Variants in GPD1L observed in about 807,000 individuals in gnomAD.
GPD1L encodes glycerol-3-phosphate dehydrogenase 1-like protein.
GPD1L carries 17 observed loss-of-function variants against 32.9 expected under a neutral mutation model. The ratio of observed to expected loss-of-function variants is 0.52; its 90% CI spans 0.35 to 0.78. The LOEUF (loss-of-function observed/expected upper bound fraction) is 0.78, where lower values mean the gene tolerates loss of function less well. Ranked by LOEUF, GPD1L falls within the 30% of genes least tolerant of loss-of-function variation. GPD1L has a pLI of 0.01. For synonymous variants in GPD1L, 187 were observed against 165.9 expected, an observed-to-expected ratio of 1.13 and a Z score of -0.98; for missense variants, 361 against 447.8, an observed-to-expected ratio of 0.81 and a Z score of 1.75.
chr3:32,118,864 T>C (rs930607450), intron 1 of GPD1L, among the ~76,000 whole-genome samples: 1 of 152,232 alleles, frequency 6.6e-6, no homozygotes, highest in African/African-American at 2.4e-5. Context: ...AGTAGAATTA[T>C]ACATTATTTA....
intron 4 of GPD1L, among the ~76,000 whole-genome samples, chr3:32,144,677 TTTGTTG>T (rs537706656): frequency 6.6e-6 from 1 of 151,560 alleles, no homozygotes; most frequent in Non-Finnish European, 1.5e-5. Context: ...ATTACTGGGG[TTTGTTG>T]TTGTTGTTGT....
intron 1 of GPD1L, among the ~76,000 whole-genome samples, chr3:32,119,912 C>G (rs1007233860): frequency 1.3e-5 from 2 of 152,164 alleles, no homozygotes; most frequent in Non-Finnish European, 2.9e-5. Context: ...CTGTAGGGTC[C>G]TTTCTGGCCT....
At chr3:32,151,966 G>A (rs1273525020) in intron 5 of GPD1L, 2 of 152,576 alleles carry the variant, frequency 1.3e-5, no homozygotes, top group East Asian at 3.8e-4. Context: ...TTCTTTATCA[G>A]GATTGAGTTT....
At chr3:32,149,775 G>A (rs994989652) in intron 5 of GPD1L, among the ~76,000 whole-genome samples, 4 of 151,944 alleles carry the variant, frequency 2.6e-5, no homozygotes, top group Admixed American at 6.6e-5. Flanking sequence ...GGGCGAAACC[G>A]CATCTCTACT....
At chr3:32,113,162 T>G (rs577328264) in intron 1 of GPD1L, among the ~76,000 whole-genome samples, 19 of 121,390 alleles carry the variant, frequency 1.6e-4, no homozygotes, top group African/African-American at 6.3e-4. Flanking sequence ...TCATCCCTTC[T>G]CCTATAGATA....
At chr3:32,128,311 C>A in intron 2 of GPD1L, 58 bp downstream of exon 2, 1 of 1,422,578 alleles carries the variant, frequency 7.0e-7, no homozygotes, top group Non-Finnish European at 9.9e-7. Context: ...CTTGGCTGAG[C>A]AGCACTTGGG....
At chr3:32,159,167 G>T in intron 6 of GPD1L, 58 bp downstream of exon 6, 1 of 1,276,034 alleles carries the variant, frequency 7.8e-7, no homozygotes. Flanking sequence ...CTCCTGGCTT[G>T]GGGTGAACTG....
intron 5 of GPD1L, chr3:32,158,386 G>C: frequency 5.2e-6 from 1 of 193,572 alleles, no homozygotes; most frequent in East Asian, 1.3e-4. Context: ...AGGTGGGCTG[G>C]AAGGGGTTCT....
rs201848229 is a variant in GPD1L, at chr3:32,160,245, GAGAT to G, written c.959+576_959+579del. On this transcript the variant is annotated intron_variant, in intron 7 of 7. Transcript: ENST00000282541. ...GTTGGCAGGTGGGAAGGGATGGGAT[GAGAT>G]AGATGGATGGATGGATGATGGATGG... Among the ~76,000 whole-genome samples, 635 of 143,362 alleles carry G rather than the reference GAGAT, an allele frequency of 4.4e-3. 18 individuals are homozygous for G. Among genetic ancestry groups the G allele is most frequent in the Admixed American group, 0.039 (515 of 13,054 alleles). 94.1% of individuals were successfully genotyped at this position (143,362 alleles called of 152,430 possible).
chr3:32,160,118 T>C (rs1701055476), intron 7 of GPD1L, among the ~76,000 whole-genome samples: 1 of 151,390 alleles, frequency 6.6e-6, no homozygotes, highest in Admixed American at 6.6e-5. Flanking sequence ...CTGTTAAGTT[T>C]GGTGCACAGC....
At chr3:32,110,855 C>CA (rs1352604149) in intron 1 of GPD1L, among the ~76,000 whole-genome samples, 5 of 152,184 alleles carry the variant, frequency 3.3e-5, no homozygotes, top group African/African-American at 1.2e-4. Flanking sequence ...GAAACAGTTT[C>CA]TTTTTTCTTT....
chr3:32,145,164 C>A (rs1315627579), intron 4 of GPD1L, among the ~76,000 whole-genome samples: 3 of 151,826 alleles, frequency 2.0e-5, no homozygotes, highest in Non-Finnish European at 4.4e-5. Context: ...ACTAAAAATA[C>A]AAAACTTAGC....
intron 1 of GPD1L, among the ~76,000 whole-genome samples, chr3:32,114,513 A>G (rs34005278): frequency 0.38 from 58,220 of 152,128 alleles, 12,282 homozygotes; most frequent in East Asian, 0.64. Flanking sequence ...AATGTTTCAC[A>G]GTAACAAATG....
chr3:32,159,745 C>T lies in GPD1L; in HGVS notation c.959+71C>T, dbSNP rs66691298. On this transcript the variant is annotated intron_variant, in intron 7 of 7. Coordinates refer to ENST00000282541, the MANE Select transcript of GPD1L (RefSeq NM_015141.4). Reference sequence around the variant, plus strand: ...CCTATTCTCAGGACTTCCAGCCCCACGGAGATGAGCTAGACTATTTGACAA... The same window carrying T: ...CCTATTCTCAGGACTTCCAGCCCCATGGAGATGAGCTAGACTATTTGACAA... The T allele has an allele frequency of 2.1e-3, 1,882 of 916,032 alleles. 25 individuals are homozygous for T. In the African/African-American group the frequency reaches 0.026, roughly 13 times the overall value. 56.7% of individuals were successfully genotyped at this position (916,032 alleles called of 1,614,324 possible). A position where few individuals can be genotyped will look rare whatever the true frequency, so the allele number is the denominator to read the frequency against.
chr3:32,115,285 G>A lies in GPD1L; in HGVS notation c.47+8527G>A, dbSNP rs562589301. Among the ~76,000 whole-genome samples, 6 of 151,786 alleles carry A rather than the reference G, an allele frequency of 4.0e-5. No homozygotes were observed. In the South Asian group the frequency reaches 8.4e-4, roughly 21 times the overall value. On this transcript the variant is annotated intron_variant, in intron 1 of 7. Coordinates refer to ENST00000282541, the MANE Select transcript of GPD1L (RefSeq NM_015141.4). ...CTAGACACAGAGTGCTGACTGGTGTGTTTTTCCAGAGTACTGATTGGTGCA... is the reference window on the plus strand; with the variant it reads ...CTAGACACAGAGTGCTGACTGGTGTATTTTTCCAGAGTACTGATTGGTGCA...
chr3:32,149,312 C>T (rs57779992), intron 5 of GPD1L, among the ~76,000 whole-genome samples: 172 of 152,312 alleles, frequency 1.1e-3, no homozygotes, highest in African/African-American at 3.8e-3. Flanking sequence ...CTTCCCACCT[C>T]AGACTCCCAA....
In GPD1L at chr3:32,140,614, A is replaced by G. The variant is rs541013860; in HGVS notation, c.505+248A>G. On this transcript the variant is annotated intron_variant, in intron 4 of 7. Transcript: ENST00000282541. ...GAGCATTCTGACTTGCTGTGATCCAATAATGAATTACTGAGGTTAAACACA... is the reference window on the plus strand; with the variant it reads ...GAGCATTCTGACTTGCTGTGATCCAGTAATGAATTACTGAGGTTAAACACA... Among the ~76,000 whole-genome samples, 17 of 152,348 alleles carry G rather than the reference A, an allele frequency of 1.1e-4. No individual in the cohort carries two copies. In the East Asian group the frequency reaches 1.2e-3, roughly 10 times the overall value.
chr3:32,123,847 CAGAT>C (rs1180458619), intron 1 of GPD1L, among the ~76,000 whole-genome samples: 1 of 71,636 alleles, frequency 1.4e-5, no homozygotes, highest in African/African-American at 5.0e-5. Flanking sequence ...GATAGACAGA[CAGAT>C]AAGACCCATG....
chr3:32,129,812 A>G (rs1278225457), intron 2 of GPD1L, among the ~76,000 whole-genome samples: 1 of 152,178 alleles, frequency 6.6e-6, no homozygotes, highest in African/African-American at 2.4e-5. Flanking sequence ...CCTGCAATGG[A>G]AGGCCTGTGG....
Sources: gnomAD v4.1 joint callset for allele counts (sites outside exome capture counted in the v4.1 genomes callset) on GRCh38, gnomAD v4.1.1 for gene constraint, MANE v1.5 for transcripts, NCBI Gene and HGNC (gene_info 2026-07-23, HGNC 2026-07-21) for gene names.